Variants in COL9A3 observed in about 807,000 individuals in gnomAD.
The protein encoded by COL9A3 is collagen alpha-3(IX) chain.
A neutral mutation model predicts 110.2 loss-of-function variants in COL9A3; 82 were observed. That is an observed-to-expected ratio of 0.74 (90% CI 0.62 to 0.89). The LOEUF (loss-of-function observed/expected upper bound fraction) is 0.89, where lower values mean the gene tolerates loss of function less well. Ranked by LOEUF, COL9A3 falls within the 40% of genes least tolerant of loss-of-function variation. COL9A3 has a pLI of 0.00. For synonymous variants in COL9A3, 494 were observed against 403.8 expected, an observed-to-expected ratio of 1.22 and a Z score of -2.68; for missense variants, 1,066 against 981.3, an observed-to-expected ratio of 1.09 and a Z score of -1.15.
rs901232840 is a variant in COL9A3 at position 62,827,961 on chromosome 20, G to A, written c.885G>A (p.Gly295=). 1.2e-6 allele frequency: 2 copies of A among 1,612,908 alleles called. No individual in the cohort carries two copies. Residue 295 remains glycine, a synonymous_variant, in exon 17 of 32, where the codon GGG becomes GGA. Transcript: ENST00000649368. ...CCAAGGGAACCCCCGGAGTGGCCGG[G>A]CCAAGCGGAGAGCCGGTGAGTGCAC... is the stretch of plus-strand genomic sequence containing the variant. ...PGPKGTPGVA[G]PSGEPGMPGK...
At chr20:62,828,673 T>C in intron 17 of COL9A3, 91 bp from the exon 18 acceptor site, 1 of 1,420,278 alleles carries the variant, frequency 7.0e-7, no homozygotes, top group African/African-American at 1.4e-5. Context: ...AGTTTTAGGT[T>C]GATGGGGAAG....
intron 25 of COL9A3, chr20:62,832,733 A>G: frequency 3.8e-6 from 1 of 260,738 alleles, no homozygotes. Context: ...GCCTTTCCAT[A>G]CCGCTGGAGG....
intron 11 of COL9A3, 121 bp from the exon 12 acceptor site, chr20:62,824,836 CAGACCCGCGGT>C (rs1053943091): frequency 2.0e-6 from 2 of 1,004,660 alleles, no homozygotes; most frequent in Admixed American, 2.0e-5. Flanking sequence ...CATGAGGGCC[CAGACCCGCGGT>C]CCTGTGCGCT....
chr20:62,836,364 C>T, intron 28 of COL9A3, 31 bp downstream of exon 28: 1 of 1,613,910 alleles, frequency 6.2e-7, no homozygotes, highest in East Asian at 2.2e-5. Context: ...TTCCAGCTTT[C>T]ACAGGGTTGA....
chr20:62,817,440 T>C (rs958664825), intron 1 of COL9A3, 127 bp from the exon 2 acceptor site: 97 of 689,604 alleles, frequency 1.4e-4, no homozygotes, highest in Non-Finnish European at 1.9e-4. Context: ...CGCCCGAGGC[T>C]TTGGGTCTCA....
chr20:62,841,008 G>T lies in COL9A3; in HGVS notation c.*276G>T. On this transcript the variant is annotated 3_prime_UTR_variant, in exon 32 of 32. Coordinates refer to ENST00000649368, the MANE Select transcript of COL9A3 (RefSeq NM_001853.4). ...TAAAAGGTTGTGTACAACTCCACGA[G>T]GTGAAAAATATTCAGTAACTTGTTT... is the stretch of plus-strand genomic sequence containing the variant. 2.3e-6 allele frequency: 1 copy of T among 434,142 alleles called. No homozygotes were observed. Among genetic ancestry groups the T allele is most frequent in the Non-Finnish European group, 4.2e-6 (1 of 237,474 alleles). The allele number at this position is 434,142 out of a possible 1,614,324, so 26.9% of individuals were successfully genotyped here.
chr20:62,835,642 A>C (rs1448813112), intron 26 of COL9A3, among the ~76,000 whole-genome samples: 1 of 152,190 alleles, frequency 6.6e-6, no homozygotes, highest in Non-Finnish European at 1.5e-5. Flanking sequence ...TAGTAAGAAA[A>C]AGGAATGGAA....
chr20:62,820,338 C>CTG (rs1991078656), intron 5 of COL9A3, among the ~76,000 whole-genome samples: 1 of 152,158 alleles, frequency 6.6e-6, no homozygotes, highest in Non-Finnish European at 1.5e-5. Flanking sequence ...CTGCAGAGTC[C>CTG]CCTGTGCCTG....
At chr20:62,832,108 G>C in intron 24 of COL9A3, 46 bp from the exon 25 acceptor site, 5 of 1,595,674 alleles carry the variant, frequency 3.1e-6, no homozygotes, top group Non-Finnish European at 4.3e-6. Flanking sequence ...CTCACTTTAG[G>C]GATTCCTGCC....
intron 31 of COL9A3, 149 bp from the exon 32 acceptor site, chr20:62,840,393 C>T: frequency 1.3e-6 from 1 of 745,434 alleles, no homozygotes; most frequent in Non-Finnish European, 2.2e-6. Flanking sequence ...CCTTTGTGTG[C>T]CGTTCCCTCG....
chr20:62,839,997 A>G (rs1189150653), intron 31 of COL9A3, among the ~76,000 whole-genome samples: 3 of 152,160 alleles, frequency 2.0e-5, no homozygotes, highest in Non-Finnish European at 4.4e-5. Context: ...TGTGGCTCTG[A>G]ACAGCATCTG....
intron 31 of COL9A3, among the ~76,000 whole-genome samples, chr20:62,839,713 TCCACCCACC>T (rs2063660699): frequency 3.4e-5 from 2 of 58,480 alleles, no homozygotes; most frequent in African/African-American, 1.8e-4. Context: ...TCTCCTCTCC[TCCACCCACC>T]CCACCTCTCC....
chr20:62,817,591 G>C lies in COL9A3; in HGVS notation c.103G>C (p.Gly35Arg). 1 of 1,546,800 alleles carries C rather than the reference G, an allele frequency of 6.5e-7. No individual in the cohort carries two copies. The highest frequency in any genetic ancestry group is 2.5e-5 in the East Asian group (1 of 40,776). Reference sequence around the variant, plus strand: ...GAGAGTGGGACTCCCCGGCCCCCCCGGCCCCCCAGGGCCGCCCGGGAAGCC... The same window carrying C: ...GAGAGTGGGACTCCCCGGCCCCCCCCGCCCCCCAGGGCCGCCCGGGAAGCC... ...AQRVGLPGPP[G>R]PPGPPGKPGQ... Residue 35 changes from glycine (G) to arginine (R), a missense_variant, in exon 2 of 32, where the codon GGC becomes CGC. Gly to Arg is a moderately radical substitution (Grantham distance 125). Coordinates refer to ENST00000649368, the MANE Select transcript of COL9A3 (RefSeq NM_001853.4).
rs200685307 is a variant in COL9A3, at chr20:62,840,763, C to T, written c.*31C>T. Reference sequence around the variant, plus strand: ...AACGTGAGGAAGCAAGTGACAAGGACGCCCGAAGCACAGTGGACGGTCATG... The same window carrying T: ...AACGTGAGGAAGCAAGTGACAAGGATGCCCGAAGCACAGTGGACGGTCATG... On this transcript the variant is annotated 3_prime_UTR_variant, in exon 32 of 32. Transcript: ENST00000649368. 96 of 1,551,938 alleles carry T rather than the reference C, an allele frequency of 6.2e-5. No homozygotes were observed. Among genetic ancestry groups the T allele is most frequent in the East Asian group, 2.9e-4 (12 of 40,990 alleles).
chr20:62,840,903 C>T lies in COL9A3; in HGVS notation c.*171C>T, dbSNP rs542013862. 9 of 672,690 alleles carry T rather than the reference C, an allele frequency of 1.3e-5. No homozygotes were observed. Among genetic ancestry groups the T allele is most frequent in the African/African-American group, 5.4e-5 (3 of 55,200 alleles). The allele number at this position is 672,690 out of a possible 1,614,324, so 41.7% of individuals were successfully genotyped here. A position where few individuals can be genotyped will look rare whatever the true frequency, so the allele number is the denominator to read the frequency against. On this transcript the variant is annotated 3_prime_UTR_variant, in exon 32 of 32. Coordinates refer to ENST00000649368, the MANE Select transcript of COL9A3 (RefSeq NM_001853.4). ...CCAGCGAGCACCCTCATCGGGCTGT[C>T]GCCTGACAGCATACCTCAAAAGGCC...
rs142329325 is a variant in COL9A3 at position 62,832,056 on chromosome 20, G to A, written c.1288-98G>A. 1.9e-4 allele frequency: 217 copies of A among 1,165,614 alleles called. No individual in the cohort carries two copies. The East Asian group carries it at 4.5e-3, about 24-fold the overall frequency. 72.2% of individuals were successfully genotyped at this position (1,165,614 alleles called of 1,614,324 possible). On this transcript the variant is annotated intron_variant, in intron 24 of 31. Coordinates refer to ENST00000649368, the MANE Select transcript of COL9A3 (RefSeq NM_001853.4). The stretch of plus-strand genomic sequence containing the variant: ...AGAAGCCCTTTGTGCAGCACAGATG[G>A]AGATGTGGGGAGGTGTTTACCATTC...
Position 62,818,527 on chromosome 20 carries a change from G to A in COL9A3, c.157G>A (p.Gly53Ser), listed in dbSNP as rs760414801. The change falls in exon 3 of 32, where the codon GGT (glycine) becomes AGT (serine). Residue 53 changes from glycine to serine, a missense_variant. By Grantham distance (56) the Gly-to-Ser change is moderately conservative. Transcript: ENST00000649368. ...GTGTCTTTCCTCACAGGGAGAAGCTGGTCCTCCAGGTCTGCCTGGGCCCCC... is the reference window on the plus strand; with the variant it reads ...GTGTCTTTCCTCACAGGGAGAAGCTAGTCCTCCAGGTCTGCCTGGGCCCCC... ...PGQDGIDGEA[G>S]PPGLPGPPGP... is the part of the protein sequence containing the mutation. 21 of 1,612,954 alleles carry A rather than the reference G, an allele frequency of 1.3e-5. No individual in the cohort carries two copies. The highest frequency in any genetic ancestry group is 2.7e-5 in the African/African-American group (2 of 74,928).
intron 31 of COL9A3, among the ~76,000 whole-genome samples, chr20:62,840,336 G>T (rs115491980): frequency 1.3e-5 from 2 of 152,100 alleles, no homozygotes; most frequent in African/African-American, 4.8e-5. Context: ...GGGGCTGGCC[G>T]CGCCTGGCCT....
intron 30 of COL9A3, among the ~76,000 whole-genome samples, chr20:62,838,031 T>C (rs1477816209): frequency 6.6e-6 from 1 of 152,264 alleles, no homozygotes; most frequent in African/African-American, 2.4e-5. Flanking sequence ...AAAATGCCCT[T>C]AGGTGAACCA....
Sources: gnomAD v4.1 joint callset for allele counts (sites outside exome capture counted in the v4.1 genomes callset) on GRCh38, gnomAD v4.1.1 for gene constraint, MANE v1.5 for transcripts, NCBI Gene and HGNC (gene_info 2026-07-23, HGNC 2026-07-21) for gene names.